LRMDA: variants seen among roughly 807,000 people sequenced by gnomAD.
LRMDA encodes the protein leucine-rich melanocyte differentiation-associated protein.
Under a neutral mutation model 29.8 loss-of-function variants are expected in LRMDA, and 18 were observed. The observed-to-expected ratio is 0.60, with a 90% CI of 0.42 to 0.90. LRMDA has a LOEUF of 0.90. LRMDA is among the 40% of genes least tolerant of loss of function. LRMDA has a pLI of 0.00. For synonymous variants in LRMDA, 125 were observed against 109.4 expected (o/e 1.14, Z -0.89); for missense variants, 273 against 273.9 (o/e 1.00, Z 0.02).
chr10:75,476,828 C>T (rs1844799209), intron 2 of LRMDA, among the ~76,000 whole-genome samples: 1 of 152,122 alleles, frequency 6.6e-6, no homozygotes, highest in African/African-American at 2.4e-5. Context: ...TCTCACAGTT[C>T]TGTAGGCTCA....
chr10:76,218,038 C>G (rs1191580825), intron 5 of LRMDA, among the ~76,000 whole-genome samples: 1 of 152,310 alleles, frequency 6.6e-6, no homozygotes, highest in African/African-American at 2.4e-5. Context: ...CCTGCGTACC[C>G]TGTAGTTTTT....
At chr10:76,135,576 G>A (rs1354401849) in intron 5 of LRMDA, among the ~76,000 whole-genome samples, 1 of 152,130 alleles carries the variant, frequency 6.6e-6, no homozygotes, top group Non-Finnish European at 1.5e-5. Flanking sequence ...TTACATTTCT[G>A]GAGGCCAGAA....
chr10:76,010,281 G>A (rs1847753030), intron 2 of LRMDA, among the ~76,000 whole-genome samples: 1 of 151,480 alleles, frequency 6.6e-6, no homozygotes, highest in Admixed American at 6.6e-5. Flanking sequence ...GGTCCATGAT[G>A]GTGTTTAGGG....
intron 2 of LRMDA, among the ~76,000 whole-genome samples, chr10:75,692,247 T>TATATATATATATATATAC (rs1491551304): frequency 7.6e-6 from 1 of 131,724 alleles, no homozygotes; most frequent in African/African-American, 2.9e-5. Context: ...TATATATATA[T>TATATATATATATATATAC]ACATATATAT....
At chr10:76,266,288 C>T (rs537157106) in intron 5 of LRMDA, among the ~76,000 whole-genome samples, 153 of 152,164 alleles carry the variant, frequency 1.0e-3, no homozygotes, top group African/African-American at 3.5e-3. Context: ...CCATTTCATC[C>T]TATAATGTTA....
chr10:76,366,316 G>C (rs1177508657), intron 6 of LRMDA, among the ~76,000 whole-genome samples: 1 of 152,104 alleles, frequency 6.6e-6, no homozygotes, highest in African/African-American at 2.4e-5. Flanking sequence ...TGTTGAATTT[G>C]TAGATTTCTT....
At chr10:76,086,360 T>C (rs7075024) in intron 5 of LRMDA, among the ~76,000 whole-genome samples, 8,902 of 152,266 alleles carry the variant, frequency 0.058, 679 homozygotes, top group African/African-American at 0.17. Context: ...AAAAAGCAGC[T>C]GTGGGCTGGT....
intron 6 of LRMDA, among the ~76,000 whole-genome samples, chr10:76,454,511 TA>T (rs1205221448): frequency 1.3e-5 from 2 of 152,092 alleles, no homozygotes; most frequent in African/African-American, 2.4e-5. Flanking sequence ...TAAACATTCT[TA>T]AAACCCACAT....
intron 6 of LRMDA, among the ~76,000 whole-genome samples, chr10:76,348,716 G>A (rs1161248422): frequency 2.6e-5 from 4 of 152,162 alleles, no homozygotes; most frequent in Non-Finnish European, 4.4e-5. Flanking sequence ...GCTAATCTAT[G>A]ATTAGGTATT....
chr10:76,376,278 G>A (rs1011837857), intron 6 of LRMDA, among the ~76,000 whole-genome samples: 14 of 152,110 alleles, frequency 9.2e-5, no homozygotes, highest in African/African-American at 3.4e-4. Flanking sequence ...TTTAACTTTA[G>A]ATAATGGCAT....
chr10:76,104,192 A>G (rs1319751408), intron 5 of LRMDA, among the ~76,000 whole-genome samples: 1 of 152,050 alleles, frequency 6.6e-6, no homozygotes, highest in Non-Finnish European at 1.5e-5. Flanking sequence ...CTAGAATGCA[A>G]GGCCCAAGCA....
At chr10:75,902,093 C>G (rs1373939144) in intron 2 of LRMDA, among the ~76,000 whole-genome samples, 2 of 152,134 alleles carry the variant, frequency 1.3e-5, no homozygotes, top group African/African-American at 2.4e-5. Flanking sequence ...CCCACATTCC[C>G]CCCACAAGAG....
intron 2 of LRMDA, among the ~76,000 whole-genome samples, chr10:75,969,513 A>G (rs1205796092): frequency 6.6e-6 from 1 of 152,246 alleles, no homozygotes; most frequent in Non-Finnish European, 1.5e-5. Context: ...ACTGAGGTTC[A>G]GCACAGTGGA....
intron 5 of LRMDA, among the ~76,000 whole-genome samples, chr10:76,302,371 G>A (rs563951053): frequency 4.2e-4 from 64 of 152,276 alleles, no homozygotes; most frequent in Non-Finnish European, 6.2e-4. Flanking sequence ...CCTGGGGGGT[G>A]GTAAGGAGAA....
At chr10:75,700,339 A>G (rs1361986941) in intron 2 of LRMDA, among the ~76,000 whole-genome samples, 2 of 151,942 alleles carry the variant, frequency 1.3e-5, no homozygotes, top group Admixed American at 6.5e-5. Context: ...CTAATGAAAA[A>G]AATATAAAGC....
Position 76,028,640 on chromosome 10 carries a change from C to CA in LRMDA, c.132-7361dup, listed in dbSNP as rs555970111. Among the ~76,000 whole-genome samples the CA allele has an allele frequency of 1.2e-3, 189 of 151,838 alleles. 1 individual carries two copies. Among genetic ancestry groups the CA allele is most frequent in the Non-Finnish European group, 2.3e-3 (154 of 67,938 alleles). On this transcript the variant is annotated intron_variant, in intron 2 of 6. Coordinates refer to ENST00000611255, the MANE Select transcript of LRMDA (RefSeq NM_001305581.2). ...GGCAAAAAACAAAAACAACAAAAAACAAAAAAATAAGATCAAAATCCCTAG... is the reference window on the plus strand; with the variant it reads ...GGCAAAAAACAAAAACAACAAAAAACAAAAAAAATAAGATCAAAATCCCTAG...
chr10:75,868,484 C>G (rs572162535), intron 2 of LRMDA, among the ~76,000 whole-genome samples: 1 of 152,232 alleles, frequency 6.6e-6, no homozygotes, highest in African/African-American at 2.4e-5. Context: ...GAATGTAAGG[C>G]TTTGGGATTA....
intron 2 of LRMDA, among the ~76,000 whole-genome samples, chr10:75,888,792 C>A (rs970044383): frequency 1.6e-4 from 25 of 152,070 alleles, no homozygotes; most frequent in African/African-American, 4.6e-4. Context: ...AATATAATAT[C>A]CTGCTCATTT....
At chr10:75,911,338 G>A (rs1194290523) in intron 2 of LRMDA, among the ~76,000 whole-genome samples, 1 of 152,076 alleles carries the variant, frequency 6.6e-6, no homozygotes, top group African/African-American at 2.4e-5. Context: ...AGGTGGCATG[G>A]GGGGAGCACA....
Sources: allele counts gnomAD v4.1 joint callset (sites outside exome capture counted in the v4.1 genomes callset), GRCh38; gene constraint gnomAD v4.1.1; transcripts MANE v1.5; gene names NCBI Gene and HGNC (gene_info 2026-07-23, HGNC 2026-07-21).